Variants in KLF8 observed in about 807,000 individuals in gnomAD.
The protein encoded by KLF8 is KLF transcription factor 8.
KLF8 carries 10 observed loss-of-function variants against 18.2 expected under a neutral mutation model. The observed-to-expected ratio is 0.55, with a 90% CI of 0.34 to 0.93. The LOEUF (loss-of-function observed/expected upper bound fraction) is 0.93, where lower values mean the gene tolerates loss of function less well. Ranked by LOEUF, KLF8 falls within the 40% of genes least tolerant of loss-of-function variation. The pLI, the probability that KLF8 is intolerant of heterozygous loss-of-function variation, is 0.02. For missense variants in KLF8, 264 were observed against 277.9 expected, an observed-to-expected ratio of 0.95 and a Z score of 0.36; for synonymous variants, 109 against 97.3, an observed-to-expected ratio of 1.12 and a Z score of -0.71.
chrX:56,280,040 C>G (rs2067179338), intron 5 of KLF8, among the ~76,000 whole-genome samples: 1 of 111,639 alleles, frequency 9.0e-6, no homozygotes, highest in African/African-American at 3.3e-5. Flanking sequence ...AGCCATAAGA[C>G]TCTTTGCTTA....
Position 56,233,214 on chromosome X carries a change from T to A in KLF8, c.-121T>A. The stretch of plus-strand genomic sequence containing the variant: ...ACGAGAAGACGAGAACGCGTCGCCC[T>A]GCGCTATGTCAGAATGGGGCGGGTG... On this transcript the variant is annotated 5_prime_UTR_variant, in exon 1 of 6. Coordinates refer to ENST00000468660, the MANE Select transcript of KLF8 (RefSeq NM_007250.5). The A allele has an allele frequency of 1.2e-6, 1 of 845,238 alleles. No individual in the cohort carries two copies. The highest frequency in any genetic ancestry group is 1.7e-6 in the Non-Finnish European group (1 of 572,439). The allele number at this position is 845,238 out of a possible 1,213,427, so 69.7% of individuals were successfully genotyped here. A position where few individuals can be genotyped will look rare whatever the true frequency, so the allele number is the denominator to read the frequency against.
chrX:56,200,570 A>T, the KLF8 span, among the ~76,000 whole-genome samples: 12 of 110,281 alleles, frequency 1.1e-4, no homozygotes, highest in African/African-American at 3.9e-4. Context: ...CAATGATTTT[A>T]TAGATGTAAA....
At chrX:56,018,080 A>C in the KLF8 span, among the ~76,000 whole-genome samples, 4 of 111,658 alleles carry the variant, frequency 3.6e-5, no homozygotes, top group Non-Finnish European at 7.5e-5. Flanking sequence ...TGTACAATAA[A>C]TTATTGTTAA....
At chrX:56,277,365 GACACCC>G (rs2147685189) in intron 5 of KLF8, among the ~76,000 whole-genome samples, 1 of 112,129 alleles carries the variant, frequency 8.9e-6, no homozygotes, top group South Asian at 3.7e-4. Flanking sequence ...TGCATTAGGG[GACACCC>G]CAAGCCCAGA....
the KLF8 span, among the ~76,000 whole-genome samples, chrX:56,070,331 G>A: frequency 2.7e-5 from 3 of 111,363 alleles, no homozygotes; most frequent in Non-Finnish European, 5.7e-5. Flanking sequence ...TGGGTTGATA[G>A]GTGTAGCAAA....
intron 2 of KLF8, among the ~76,000 whole-genome samples, chrX:56,252,758 A>G (rs910247021): frequency 5.3e-5 from 6 of 112,416 alleles, no homozygotes; most frequent in African/African-American, 1.6e-4. Flanking sequence ...TTGCTGGATC[A>G]TATAGTAGCT....
the KLF8 span, among the ~76,000 whole-genome samples, chrX:55,923,744 G>GTGTA: frequency 1.1e-5 from 1 of 94,653 alleles, no homozygotes; most frequent in Non-Finnish European, 2.2e-5. Flanking sequence ...GTGTGTGTGT[G>GTGTA]TATATCTGTA....
chrX:56,201,178 A>T, the KLF8 span, among the ~76,000 whole-genome samples: 1 of 112,264 alleles, frequency 8.9e-6, no homozygotes, highest in African/African-American at 3.2e-5. Flanking sequence ...TTGCAACATT[A>T]TTCACAATAG....
chrX:56,261,696 G>GT (rs754401351), intron 2 of KLF8, among the ~76,000 whole-genome samples: 4 of 110,552 alleles, frequency 3.6e-5, no homozygotes, highest in Non-Finnish European at 5.7e-5. Context: ...GGGTGTTGGG[G>GT]TTTTTTTTAA....
chrX:56,040,441 T>C, the KLF8 span, among the ~76,000 whole-genome samples: 5 of 112,088 alleles, frequency 4.5e-5, no homozygotes, highest in African/African-American at 1.3e-4. Context: ...AGAAGGAATG[T>C]TGAATTTTAT....
At chrX:55,955,173 A>T in the KLF8 span, among the ~76,000 whole-genome samples, 8 of 111,689 alleles carry the variant, frequency 7.2e-5, no homozygotes, top group Non-Finnish European at 1.3e-4. Context: ...AGAGGAAAAA[A>T]GGTGATATTT....
chrX:56,192,407 G>C, the KLF8 span, among the ~76,000 whole-genome samples: 3 of 111,421 alleles, frequency 2.7e-5, no homozygotes, highest in Non-Finnish European at 5.7e-5. Context: ...GCAATCTACA[G>C]GTTCAATGCA....
At chrX:56,188,752 A>G in the KLF8 span, among the ~76,000 whole-genome samples, 3,751 of 112,082 alleles carry the variant, frequency 0.033, 169 homozygotes, top group African/African-American at 0.11. Context: ...CAATCCTGAG[A>G]AAAACAAGCA....
At chrX:55,918,267 A>G in the KLF8 span, among the ~76,000 whole-genome samples, 6 of 111,888 alleles carry the variant, frequency 5.4e-5, no homozygotes, top group African/African-American at 1.9e-4. Context: ...GGAATAAGTC[A>G]ATCAATGAGT....
chrX:56,119,434 C>T, the KLF8 span, among the ~76,000 whole-genome samples: 1 of 110,737 alleles, frequency 9.0e-6, no homozygotes, highest in Non-Finnish European at 1.9e-5. Context: ...GACAGAGTCT[C>T]CTTCTGTCAC....
chrX:56,025,813 T>A, the KLF8 span, among the ~76,000 whole-genome samples: 1 of 112,009 alleles, frequency 8.9e-6, no homozygotes, highest in African/African-American at 3.2e-5. Context: ...AGTGTTATTA[T>A]ATAAACATGT....
At chrX:56,052,646 C>G in the KLF8 span, among the ~76,000 whole-genome samples, 1 of 111,904 alleles carries the variant, frequency 8.9e-6, no homozygotes, top group African/African-American at 3.2e-5. Context: ...CAGCTGCGTG[C>G]TGGGAGAACC....
the KLF8 span, among the ~76,000 whole-genome samples, chrX:56,051,388 AT>A: frequency 9.1e-6 from 1 of 109,656 alleles, no homozygotes; most frequent in African/African-American, 3.3e-5. Context: ...TTTTGGCATG[AT>A]TTTGCAGCGG....
the KLF8 span, among the ~76,000 whole-genome samples, chrX:56,083,032 C>G: frequency 9.0e-6 from 1 of 111,521 alleles, no homozygotes; most frequent in Admixed American, 9.6e-5. Context: ...TAACTTATAT[C>G]TAGTTAATTA....
Sources: allele counts gnomAD v4.1 joint callset (sites outside exome capture counted in the v4.1 genomes callset), GRCh38; gene constraint gnomAD v4.1.1; transcripts MANE v1.5; gene names NCBI Gene and HGNC (gene_info 2026-07-23, HGNC 2026-07-21).